RUNX2: variants seen among roughly 807,000 people sequenced by gnomAD.
RUNX2 encodes runt-related transcription factor 2.
RUNX2 carries 10 observed loss-of-function variants against 51.7 expected under a neutral mutation model. The observed-to-expected ratio is 0.19, with a 90% CI of 0.12 to 0.33. RUNX2 has a LOEUF of 0.33. Ranked by LOEUF, RUNX2 falls within the 10% of genes least tolerant of loss-of-function variation. The probability of loss-of-function intolerance (pLI) is 1.00; values close to 1 mark genes in which losing one functional copy is unlikely to be tolerated. For missense variants in RUNX2, 562 were observed against 691.3 expected (o/e 0.81, Z 2.10); for synonymous variants, 276 against 273.6 (o/e 1.01, Z -0.09).
chr6:45,352,273 A>G (rs1792229133), intron 2 of RUNX2, among the ~76,000 whole-genome samples: 1 of 152,130 alleles, frequency 6.6e-6, no homozygotes, highest in South Asian at 2.1e-4. Context: ...AAAAATATGA[A>G]CCAAGGAGTA....
intron 5 of RUNX2, among the ~76,000 whole-genome samples, chr6:45,476,647 C>T (rs549926160): frequency 1.3e-5 from 2 of 152,244 alleles, no homozygotes; most frequent in East Asian, 3.9e-4. Context: ...AGATTGAACT[C>T]AGAAGACACT....
intron 2 of RUNX2, among the ~76,000 whole-genome samples, chr6:45,403,055 T>C (rs1393315098): frequency 6.6e-6 from 1 of 152,168 alleles, no homozygotes; most frequent in African/African-American, 2.4e-5. Flanking sequence ...TTTTTCTTCT[T>C]AAGGTTATAA....
chr6:45,514,050 C>A (rs1801246020), intron 7 of RUNX2, among the ~76,000 whole-genome samples: 2 of 152,132 alleles, frequency 1.3e-5, no homozygotes, highest in South Asian at 4.1e-4. Flanking sequence ...TTGGGGTCCC[C>A]TGGGGCTTCC....
intron 4 of RUNX2, among the ~76,000 whole-genome samples, chr6:45,433,429 A>C (rs1019217108): frequency 3.3e-5 from 5 of 152,148 alleles, no homozygotes; most frequent in South Asian, 2.1e-4. Context: ...ATCAAGAAAA[A>C]TGTGAACATG....
intron 2 of RUNX2, among the ~76,000 whole-genome samples, chr6:45,353,248 T>G (rs1243749612): frequency 6.6e-6 from 1 of 152,074 alleles, no homozygotes; most frequent in African/African-American, 2.4e-5. Context: ...ATGAAACTAC[T>G]TAAAATTTGC....
intron 5 of RUNX2, among the ~76,000 whole-genome samples, chr6:45,461,471 A>G (rs1210153771): frequency 6.6e-6 from 1 of 152,250 alleles, no homozygotes; most frequent in African/African-American, 2.4e-5. Flanking sequence ...GCACAACCCC[A>G]GTGTGATGAG....
At chr6:45,530,004 G>A (rs773347637) in intron 7 of RUNX2, among the ~76,000 whole-genome samples, 1 of 152,298 alleles carries the variant, frequency 6.6e-6, no homozygotes, top group Non-Finnish European at 1.5e-5. Context: ...AGGTAACTAG[G>A]AGATAGATTA....
At chr6:45,362,323 T>A (rs1349620575) in intron 2 of RUNX2, among the ~76,000 whole-genome samples, 1 of 152,140 alleles carries the variant, frequency 6.6e-6, no homozygotes, top group Admixed American at 6.6e-5. Flanking sequence ...AACTCATTAA[T>A]AGTGAATGGA....
chr6:45,411,918 T>A (rs960127817), intron 2 of RUNX2, among the ~76,000 whole-genome samples: 1 of 152,178 alleles, frequency 6.6e-6, no homozygotes, highest in African/African-American at 2.4e-5. Context: ...ATCTGGAACA[T>A]CTCATTCAGT....
chr6:45,422,723 G>A lies in RUNX2; in HGVS notation c.189G>A (p.Gln63=), dbSNP rs781003025. 2 of 1,586,712 alleles carry A rather than the reference G, an allele frequency of 1.3e-6. No individual in the cohort carries two copies. Among genetic ancestry groups the A allele is most frequent in the East Asian group, 2.4e-5 (1 of 41,416 alleles). ...QQQQQQQQQQ[Q]QQQQQQQQEA... ...AGCAGCAGCAACAGCAGCAGCAGCA[G>A]CAGCAACAGCAGCAGCAGCAGCAGG... The change falls in exon 3 of 9, where the codon CAG becomes CAA. Residue 63 remains glutamine (Q), a synonymous_variant. Transcript: ENST00000647337.
intron 5 of RUNX2, among the ~76,000 whole-genome samples, chr6:45,475,983 G>T (rs1297182207): frequency 1.3e-5 from 2 of 152,176 alleles, no homozygotes; most frequent in African/African-American, 2.4e-5. Context: ...AAAGTAAGAG[G>T]TCCAAAAATC....
intron 2 of RUNX2, among the ~76,000 whole-genome samples, chr6:45,342,920 C>T (rs1329768163): frequency 6.6e-6 from 1 of 152,108 alleles, no homozygotes; most frequent in Non-Finnish European, 1.5e-5. Flanking sequence ...AACACAAGGA[C>T]AGCAGGGGTT....
intron 2 of RUNX2, among the ~76,000 whole-genome samples, chr6:45,335,755 C>T (rs988220095): frequency 3.3e-4 from 50 of 151,304 alleles, no homozygotes; most frequent in African/African-American, 1.2e-3. Context: ...TATGAGAAAA[C>T]TCCCATCAAG....
intron 2 of RUNX2, among the ~76,000 whole-genome samples, chr6:45,386,421 T>C (rs1797349797): frequency 6.6e-6 from 1 of 152,212 alleles, no homozygotes. Flanking sequence ...AACTATGCTC[T>C]GATATAAATT....
chr6:45,379,413 A>T (rs1170073104), intron 2 of RUNX2, among the ~76,000 whole-genome samples: 1 of 152,242 alleles, frequency 6.6e-6, no homozygotes, highest in Admixed American at 6.5e-5. Flanking sequence ...AAAGAAACAT[A>T]AAAGTAGATC....
intron 5 of RUNX2, among the ~76,000 whole-genome samples, chr6:45,478,476 C>G (rs1179245517): frequency 6.6e-6 from 1 of 152,160 alleles, no homozygotes; most frequent in African/African-American, 2.4e-5. Context: ...AGATATTTGC[C>G]TACAGCCTCA....
intron 2 of RUNX2, among the ~76,000 whole-genome samples, chr6:45,361,199 T>A (rs904217607): frequency 2.6e-5 from 4 of 152,160 alleles, no homozygotes; most frequent in African/African-American, 9.7e-5. Flanking sequence ...CTGATTAAAA[T>A]TTTTTTAATT....
intron 5 of RUNX2, among the ~76,000 whole-genome samples, chr6:45,448,759 T>C (rs1303062974): frequency 6.6e-6 from 1 of 152,180 alleles, no homozygotes; most frequent in Non-Finnish European, 1.5e-5. Flanking sequence ...AACGCTAGCA[T>C]GTATTTTGGT....
At chr6:45,403,574 G>A (rs1005595820) in intron 2 of RUNX2, among the ~76,000 whole-genome samples, 1 of 152,086 alleles carries the variant, frequency 6.6e-6, no homozygotes, top group Non-Finnish European at 1.5e-5. Flanking sequence ...TAATCTAGCT[G>A]ACCAATGCTG....
Sources: gnomAD v4.1 joint callset for allele counts (sites outside exome capture counted in the v4.1 genomes callset) on GRCh38, gnomAD v4.1.1 for gene constraint, MANE v1.5 for transcripts, NCBI Gene and HGNC (gene_info 2026-07-23, HGNC 2026-07-21) for gene names.